GON4L: variants seen among roughly 807,000 people sequenced by gnomAD.
GON4L encodes the protein GON-4-like protein.
Under a neutral mutation model 211.8 loss-of-function variants are expected in GON4L, and 87 were observed. The observed-to-expected ratio is 0.41, with a 90% CI of 0.35 to 0.49. The LOEUF (loss-of-function observed/expected upper bound fraction) is 0.49, where lower values mean the gene tolerates loss of function less well. GON4L is among the 20% of genes least tolerant of loss of function. GON4L has a pLI of 0.15. For synonymous variants in GON4L, 875 were observed against 962.6 expected (o/e 0.91, Z 1.68); for missense variants, 2,155 against 2,659.5 (o/e 0.81, Z 4.17).
chr1:155,850,611 T>C (rs1261806438), intron 2 of GON4L, among the ~76,000 whole-genome samples: 2 of 152,132 alleles, frequency 1.3e-5, no homozygotes, highest in African/African-American at 4.8e-5. Context: ...AGTTTTCAAA[T>C]ACAGCAGAGT....
chr1:155,748,300 C>T (rs1244232028), downstream of GON4L: 10 of 1,325,778 alleles, frequency 7.5e-6, no homozygotes, highest in African/African-American at 1.4e-4. Flanking sequence ...TCAAACATAC[C>T]CCTGATTCAT....
chr1:155,826,050 A>G (rs1225188570), intron 3 of GON4L, among the ~76,000 whole-genome samples: 1 of 152,102 alleles, frequency 6.6e-6, no homozygotes, highest in East Asian at 1.9e-4. Flanking sequence ...TGTCTCAAAA[A>G]AAAAGAAAAA....
At chr1:155,854,245 G>A (rs749832180) in intron 1 of GON4L, among the ~76,000 whole-genome samples, 14 of 152,122 alleles carry the variant, frequency 9.2e-5, no homozygotes, top group African/African-American at 2.4e-4. Context: ...TCCGCCTCTC[G>A]CGTTTTACGC....
intron 12 of GON4L, among the ~76,000 whole-genome samples, chr1:155,788,041 G>C (rs901947430): frequency 6.6e-6 from 1 of 151,934 alleles, no homozygotes. Context: ...GCCCAGGCTG[G>C]AGCGCGGTGG....
At chr1:155,785,778 G>A (rs1463398283) in intron 12 of GON4L, among the ~76,000 whole-genome samples, 1 of 152,100 alleles carries the variant, frequency 6.6e-6, no homozygotes, top group Non-Finnish European at 1.5e-5. Context: ...ACCATGACTG[G>A]CTATCCTTCA....
chr1:155,840,949 C>T (rs1254154184), intron 2 of GON4L, among the ~76,000 whole-genome samples: 1 of 152,076 alleles, frequency 6.6e-6, no homozygotes, highest in Non-Finnish European at 1.5e-5. Flanking sequence ...GCAGGGGAAT[C>T]GCTTGAACCC....
intron 27 of GON4L, among the ~76,000 whole-genome samples, chr1:155,754,903 CTTTT>C (rs112004109): frequency 1.9e-5 from 2 of 104,560 alleles, no homozygotes; most frequent in East Asian, 2.6e-4. Flanking sequence ...TCTCCCCATG[CTTTT>C]TTTTTTTTTT....
Position 155,750,544 on chromosome 1 carries a change from G to C in GON4L, c.*40C>G. The C allele has an allele frequency of 6.4e-7, 1 of 1,551,644 alleles. No homozygotes were observed. The highest frequency in any genetic ancestry group is 2.2e-5 in the East Asian group (1 of 44,552). On this transcript the variant is annotated 3_prime_UTR_variant, in exon 32 of 32. Transcript: ENST00000368331. Reference sequence around the variant, plus strand: ...ACTACCCCCTCCCCGGTGCCAGGGCGCCTGTTGGGTTTGGTCCTGTGTAGA... The same window carrying C: ...ACTACCCCCTCCCCGGTGCCAGGGCCCCTGTTGGGTTTGGTCCTGTGTAGA...
At chr1:155,821,367 C>T in intron 5 of GON4L, 107 bp downstream of exon 5, 3 of 719,310 alleles carry the variant, frequency 4.2e-6, no homozygotes, top group Non-Finnish European at 7.9e-6. Context: ...CTAACTTTAA[C>T]CCCAGCTGCC....
At chr1:155,829,780 C>A (rs1571884098) in intron 2 of GON4L, among the ~76,000 whole-genome samples, 1 of 151,988 alleles carries the variant, frequency 6.6e-6, no homozygotes, top group Admixed American at 6.6e-5. Flanking sequence ...TAGCATCCAG[C>A]ATATCTATAA....
At position 155,757,196 on chromosome 1, in the gene GON4L, T is replaced by G; in HGVS notation, c.5381A>C (p.Glu1794Ala). 1 of 1,613,922 alleles carries G rather than the reference T, an allele frequency of 6.2e-7. No homozygotes were observed. The highest frequency in any genetic ancestry group is 1.1e-5 in the South Asian group (1 of 91,076). Residue 1794 changes from glutamate to alanine, a missense_variant, in exon 26 of 32, where the codon GAG (glutamate) becomes GCG (alanine). Around this residue, in one of 6 missense-constraint regions of GON4L, gnomAD observed 455 missense variants for 504.6 expected, o/e 0.90. Coordinates refer to ENST00000368331, the MANE Select transcript of GON4L (RefSeq NM_001282860.2). ...MGDFEEINWT[E>A]EKEYEFDGFE... ...GTCCTATACCTCATACTCCTTTTCCTCAGTCCAATTGATCTCTTCAAAGTC... is the reference window on the plus strand; with the variant it reads ...GTCCTATACCTCATACTCCTTTTCCGCAGTCCAATTGATCTCTTCAAAGTC...
chr1:155,826,432 G>A (rs989685091), intron 3 of GON4L, among the ~76,000 whole-genome samples: 2 of 151,892 alleles, frequency 1.3e-5, no homozygotes, highest in African/African-American at 4.8e-5. Context: ...CGGGTGTGGT[G>A]GCAGGCACCT....
At chr1:155,841,723 T>C (rs1286351107) in intron 2 of GON4L, among the ~76,000 whole-genome samples, 1 of 152,174 alleles carries the variant, frequency 6.6e-6, no homozygotes, top group East Asian at 1.9e-4. Flanking sequence ...AATAAAAGCT[T>C]GGCCAGCAAT....
At chr1:155,776,546 G>C (rs1663838741) in intron 15 of GON4L, 65 bp from the exon 16 acceptor site, 2 of 1,145,464 alleles carry the variant, frequency 1.7e-6, no homozygotes, top group Non-Finnish European at 1.3e-6. Context: ...AATCCAGAGA[G>C]ATCTTTTTTT....
chr1:155,821,265 CA>C (rs993550200), intron 5 of GON4L, among the ~76,000 whole-genome samples: 5 of 145,080 alleles, frequency 3.4e-5, no homozygotes, highest in Non-Finnish European at 7.6e-5. Context: ...GACTCCGTCT[CA>C]AAAAAAAATA....
chr1:155,766,054 GGGT>G lies in GON4L; in HGVS notation c.3416_3418del (p.His1139del), dbSNP rs753156137. The stretch of plus-strand genomic sequence containing the variant: ...AGGAACAGTGAAGATAACAGATGCA[GGGT>G]GGTGGATAACAGGGGCAGGTTTCAT... On this transcript the variant is annotated inframe_deletion, in exon 21 of 32. Transcript: ENST00000368331. 1.3e-4 allele frequency: 210 copies of G among 1,614,102 alleles called. No individual in the cohort carries two copies. The highest frequency in any genetic ancestry group is 2.3e-4 in the African/African-American group (17 of 74,932).
intron 11 of GON4L, among the ~76,000 whole-genome samples, chr1:155,798,564 C>T (rs899904444): frequency 3.1e-4 from 46 of 147,090 alleles, no homozygotes; most frequent in Non-Finnish European, 6.5e-4. Flanking sequence ...CACCCGCCAC[C>T]ACGTCAGGCT....
intron 10 of GON4L, among the ~76,000 whole-genome samples, chr1:155,810,009 T>TAATTATATACATA (rs1557886306): frequency 7.5e-6 from 1 of 134,202 alleles, no homozygotes; most frequent in Non-Finnish European, 1.5e-5. Flanking sequence ...TATATATATA[T>TAATTATATACATA]TTTTGAAATG....
rs755024439 is a variant in GON4L at position 155,813,800 on chromosome 1, TCAG to T, written c.1283_1285del (p.Ala428del). The stretch of plus-strand genomic sequence containing the variant: ...CCTGATGGCTGGTGTGGTGACTTTC[TCAG>T]CCTGATTAAAAGAGGTGACTGCATC... On this transcript the variant is annotated inframe_deletion and splice_region_variant, in exon 10 of 32. Transcript: ENST00000368331. The T allele has an allele frequency of 1.4e-5, 22 of 1,613,430 alleles. No homozygotes were observed. Among genetic ancestry groups the T allele is most frequent in the Non-Finnish European group, 1.9e-5 (22 of 1,179,604 alleles).
Sources: allele counts gnomAD v4.1 joint callset (sites outside exome capture counted in the v4.1 genomes callset), GRCh38; gene constraint gnomAD v4.1.1; regional missense constraint gnomAD v4.1.1; transcripts MANE v1.5; gene names NCBI Gene and HGNC (gene_info 2026-07-23, HGNC 2026-07-21).